Variants in ALCAM observed in about 807,000 individuals in gnomAD.
ALCAM encodes the protein activated leukocyte cell adhesion molecule.
Under a neutral mutation model 70.9 loss-of-function variants are expected in ALCAM, and 30 were observed. The ratio of observed to expected loss-of-function variants is 0.42; its 90% CI spans 0.32 to 0.57. The LOEUF (loss-of-function observed/expected upper bound fraction) is 0.57, where lower values mean the gene tolerates loss of function less well. Among genes scored for constraint, ALCAM ranks in the 20% least tolerant of loss-of-function variants. The probability of loss-of-function intolerance (pLI) is 0.11; values close to 1 mark genes in which losing one functional copy is unlikely to be tolerated. For synonymous variants in ALCAM, 249 were observed against 242.5 expected, an observed-to-expected ratio of 1.03 and a Z score of -0.25; for missense variants, 591 against 695.1, an observed-to-expected ratio of 0.85 and a Z score of 1.68.
chr3:105,489,507 A>G (rs1938525397), intron 1 of ALCAM, among the ~76,000 whole-genome samples: 1 of 152,220 alleles, frequency 6.6e-6, no homozygotes, highest in Non-Finnish European at 1.5e-5. Context: ...AATAGTTATG[A>G]TCACATATCA....
At chr3:105,534,342 T>C (rs904017109) in intron 5 of ALCAM, among the ~76,000 whole-genome samples, 5 of 152,190 alleles carry the variant, frequency 3.3e-5, no homozygotes, top group African/African-American at 1.2e-4. Flanking sequence ...ACTTTAAGTA[T>C]GTACTAAATT....
At chr3:105,389,452 G>A (rs1478512774) in intron 1 of ALCAM, among the ~76,000 whole-genome samples, 4 of 138,838 alleles carry the variant, frequency 2.9e-5, no homozygotes, top group African/African-American at 8.0e-5. Flanking sequence ...GGAGGCCTGC[G>A]AATATGAGAT....
chr3:105,505,908 G>A (rs1462402932), intron 1 of ALCAM, among the ~76,000 whole-genome samples: 1 of 151,994 alleles, frequency 6.6e-6, no homozygotes, highest in Non-Finnish European at 1.5e-5. Flanking sequence ...TATTCTCATA[G>A]CTACAAAGGC....
intron 1 of ALCAM, among the ~76,000 whole-genome samples, chr3:105,508,895 C>A (rs548509422): frequency 6.7e-6 from 1 of 149,730 alleles, no homozygotes; most frequent in Non-Finnish European, 1.5e-5. Context: ...CTTCCCACCC[C>A]TGGTAATCAC....
At chr3:105,445,097 A>C (rs1937262565) in intron 1 of ALCAM, among the ~76,000 whole-genome samples, 1 of 152,206 alleles carries the variant, frequency 6.6e-6, no homozygotes, top group Non-Finnish European at 1.5e-5. Context: ...ATATTGGAGA[A>C]GTTAATATTG....
chr3:105,504,284 C>T (rs528330282), intron 1 of ALCAM, among the ~76,000 whole-genome samples: 4 of 152,274 alleles, frequency 2.6e-5, no homozygotes, highest in Admixed American at 1.3e-4. Context: ...TTAGTTTCGC[C>T]GTCTATAGGC....
chr3:105,538,703 G>C (rs1292951226), intron 6 of ALCAM, among the ~76,000 whole-genome samples: 1 of 152,074 alleles, frequency 6.6e-6, no homozygotes, highest in Non-Finnish European at 1.5e-5. Context: ...AGAGAGGCCC[G>C]GAAACGGAAG....
chr3:105,550,155 G>A lies in ALCAM; in HGVS notation c.1403G>A (p.Arg468Lys), dbSNP rs1248746166. The change falls in exon 12 of 16, where the codon AGG becomes AAG. Residue 468 changes from arginine to lysine, a missense_variant. Arg to Lys is a conservative substitution (Grantham distance 26, BLOSUM62 2). Transcript: ENST00000306107. ...GAGGAATCTCCTTATATTAATGGCA[G>A]GTATTATAGTAAAATTATCATTTCC... ...QTEESPYINGRYYSKIIISPE... is the reference protein window; with the variant it reads ...QTEESPYINGKYYSKIIISPE... 1.3e-6 allele frequency: 2 copies of A among 1,597,190 alleles called. No homozygotes were observed. The highest frequency in any genetic ancestry group is 8.6e-7 in the Non-Finnish European group (1 of 1,167,352).
At chr3:105,520,864 T>G (rs1939517614) in intron 2 of ALCAM, among the ~76,000 whole-genome samples, 1 of 152,176 alleles carries the variant, frequency 6.6e-6, no homozygotes, top group African/African-American at 2.4e-5. Flanking sequence ...AATTTCCCAA[T>G]GCTGGACCAC....
At chr3:105,453,190 G>T (rs1285738332) in intron 1 of ALCAM, among the ~76,000 whole-genome samples, 2 of 152,220 alleles carry the variant, frequency 1.3e-5, no homozygotes, top group Non-Finnish European at 2.9e-5. Context: ...TTCTTCCAGG[G>T]TTATTATAAT....
At chr3:105,455,792 C>G (rs892659804) in intron 1 of ALCAM, among the ~76,000 whole-genome samples, 1 of 152,188 alleles carries the variant, frequency 6.6e-6, no homozygotes, top group Admixed American at 6.5e-5. Context: ...TAAATCACCC[C>G]TTGATCTGTA....
At chr3:105,403,607 C>T (rs756734025) in intron 1 of ALCAM, among the ~76,000 whole-genome samples, 5 of 151,986 alleles carry the variant, frequency 3.3e-5, no homozygotes, top group Admixed American at 6.6e-5. Context: ...CCAGATCTGC[C>T]ATCTGACATA....
chr3:105,559,036 C>T (rs1212103284), intron 14 of ALCAM, among the ~76,000 whole-genome samples: 1 of 151,872 alleles, frequency 6.6e-6, no homozygotes, highest in Non-Finnish European at 1.5e-5. Context: ...GCACTTCTTC[C>T]CACGGTAACT....
intron 1 of ALCAM, among the ~76,000 whole-genome samples, chr3:105,384,592 C>A (rs1051337924): frequency 6.6e-6 from 1 of 151,312 alleles, no homozygotes; most frequent in African/African-American, 2.4e-5. Flanking sequence ...GAATTCTTGC[C>A]CAGAAATTCT....
intron 1 of ALCAM, among the ~76,000 whole-genome samples, chr3:105,457,538 C>T (rs1430387413): frequency 1.3e-5 from 2 of 151,788 alleles, no homozygotes; most frequent in African/African-American, 4.8e-5. Flanking sequence ...CACTTGTACC[C>T]CTGAACCTAA....
In ALCAM at chr3:105,465,646, A is replaced by G. The variant is rs149770699; in HGVS notation, c.74-54421A>G. ...ATAATTAACTTGTTTACTTGAATCTATCAAGGTTGATAATCCTCAGCAAGT... is the reference window on the plus strand; with the variant it reads ...ATAATTAACTTGTTTACTTGAATCTGTCAAGGTTGATAATCCTCAGCAAGT... On this transcript the variant is annotated intron_variant, in intron 1 of 15. Coordinates refer to ENST00000306107, the MANE Select transcript of ALCAM (RefSeq NM_001627.4). Among the ~76,000 whole-genome samples the G allele has an allele frequency of 5.5e-3, 840 of 151,540 alleles. 7 individuals carry two copies. Among genetic ancestry groups the G allele is most frequent in the Non-Finnish European group, 8.6e-3 (578 of 67,582 alleles).
chr3:105,492,717 G>GA (rs1576199377), intron 1 of ALCAM, among the ~76,000 whole-genome samples: 1 of 152,034 alleles, frequency 6.6e-6, no homozygotes, highest in African/African-American at 2.4e-5. Flanking sequence ...TCATAAATTA[G>GA]AAATGAAAAA....
chr3:105,532,571 T>A (rs1049646991), intron 4 of ALCAM, among the ~76,000 whole-genome samples: 4 of 152,140 alleles, frequency 2.6e-5, no homozygotes, highest in Non-Finnish European at 4.4e-5. Context: ...TTTGCACCAT[T>A]GCATTCCATT....
intron 1 of ALCAM, among the ~76,000 whole-genome samples, chr3:105,492,566 G>A (rs541828450): frequency 7.7e-4 from 117 of 152,286 alleles, no homozygotes; most frequent in Non-Finnish European, 1.2e-3. Context: ...TCATTAGTCT[G>A]TGCTTATTTC....
Sources: allele counts gnomAD v4.1 joint callset (sites outside exome capture counted in the v4.1 genomes callset), GRCh38; gene constraint gnomAD v4.1.1; transcripts MANE v1.5; gene names NCBI Gene and HGNC (gene_info 2026-07-23, HGNC 2026-07-21).